Variants in CFAP46 observed in about 807,000 individuals in gnomAD.
The protein encoded by CFAP46 is cilia and flagella associated protein 46, also known as cilia- and flagella-associated protein 46.
CFAP46 carries 245 observed loss-of-function variants against 325.7 expected under a neutral mutation model. The ratio of observed to expected loss-of-function variants is 0.75; its 90% CI spans 0.68 to 0.84. The LOEUF (loss-of-function observed/expected upper bound fraction) is 0.84. CFAP46 is among the 40% of genes least tolerant of loss of function. The probability of loss-of-function intolerance (pLI) is 0.00; values close to 1 mark genes in which losing one functional copy is unlikely to be tolerated. For missense variants in CFAP46, 3,346 were observed against 3,543.0 expected (o/e 0.94, Z 1.41); for synonymous variants, 1,523 against 1,495.9 (o/e 1.02, Z -0.42).
Position 132,860,958 on chromosome 10 carries a change from C to T in CFAP46, c.4915G>A (p.Ala1639Thr), listed in dbSNP as rs1269290869. ...TGTGCGAGGAGGAGCAGGCACTGGG[C>T]CTCTGCACAAGGCTCATCCAGCTCC... ...FQELDEPCAE[A>T]QCLLLLAQLA... Residue 1639 changes from alanine (A) to threonine (T), a missense_variant, in exon 36 of 58, where the codon GCC becomes ACC. Coordinates refer to ENST00000368586, the MANE Select transcript of CFAP46 (RefSeq NM_001200049.3). 5 of 1,550,644 alleles carry T rather than the reference C, an allele frequency of 3.2e-6. No individual in the cohort carries two copies. The Middle Eastern group carries it at 6.7e-4, about 208-fold the overall frequency.
chr10:132,882,271 T>C (rs1849058951), intron 27 of CFAP46, among the ~76,000 whole-genome samples: 1 of 148,508 alleles, frequency 6.7e-6, no homozygotes, highest in African/African-American at 2.5e-5. Flanking sequence ...TGTGGGGGTA[T>C]TGGGTGTGAA....
intron 50 of CFAP46, among the ~76,000 whole-genome samples, chr10:132,824,463 ATGT>A (rs1847988344): frequency 2.9e-5 from 2 of 68,928 alleles, no homozygotes; most frequent in African/African-American, 6.0e-5. Context: ...CTGTGTGCTG[ATGT>A]GTGCTGTGTG....
chr10:132,852,102 G>T, intron 39 of CFAP46, among the ~76,000 whole-genome samples: 1 of 82,472 alleles, frequency 1.2e-5, no homozygotes, highest in African/African-American at 4.4e-5. Flanking sequence ...CCACAGACGT[G>T]GTATGTTCCT....
intron 11 of CFAP46, among the ~76,000 whole-genome samples, chr10:132,922,941 G>A (rs990154860): frequency 6.6e-6 from 1 of 152,240 alleles, no homozygotes; most frequent in Non-Finnish European, 1.5e-5. Flanking sequence ...GGCAGCTCAC[G>A]ACGGCAGCCC....
In CFAP46 at chr10:132,835,441, G is replaced by A. The variant is rs1018723543; in HGVS notation, c.6614-7C>T. 5 of 1,613,328 alleles carry A rather than the reference G, an allele frequency of 3.1e-6. No individual in the cohort carries two copies. The highest frequency in any genetic ancestry group is 1.7e-6 in the Non-Finnish European group (2 of 1,179,908). ...CGCATCACCTTGCAGGAGCCTGTGG[G>A]GACATGGACACACCCTCTGTCGCTG... On this transcript the variant is annotated splice_region_variant and splice_polypyrimidine_tract_variant and intron_variant, in intron 46 of 57. Coordinates refer to ENST00000368586, the MANE Select transcript of CFAP46 (RefSeq NM_001200049.3).
chr10:132,848,540 C>T (rs1050382619), intron 41 of CFAP46, among the ~76,000 whole-genome samples: 4 of 150,104 alleles, frequency 2.7e-5, no homozygotes, highest in Non-Finnish European at 5.9e-5. Context: ...CCGAGGGAAC[C>T]TGCATGGGTT....
At chr10:132,927,722 C>T (rs1398042658) in intron 9 of CFAP46, among the ~76,000 whole-genome samples, 1 of 152,276 alleles carries the variant, frequency 6.6e-6, no homozygotes, top group Non-Finnish European at 1.5e-5. Flanking sequence ...TCATTTCCAC[C>T]ATTCACTCAG....
intron 50 of CFAP46, among the ~76,000 whole-genome samples, chr10:132,822,420 TGTG>T (rs1191021172): frequency 9.8e-5 from 14 of 142,694 alleles, no homozygotes; most frequent in East Asian, 4.4e-4. Flanking sequence ...ATGCTGTGTG[TGTG>T]GTGATGTGTG....
At chr10:132,868,435 A>G (rs1249889117) in intron 33 of CFAP46, among the ~76,000 whole-genome samples, 1 of 152,232 alleles carries the variant, frequency 6.6e-6, no homozygotes, top group Admixed American at 6.5e-5. Context: ...ACACGGTTCC[A>G]ATGTTCAGCC....
chr10:132,829,704 C>T (rs552343223), intron 50 of CFAP46, among the ~76,000 whole-genome samples: 20 of 152,342 alleles, frequency 1.3e-4, no homozygotes, highest in Admixed American at 2.6e-4. Flanking sequence ...CCTTCCCCTC[C>T]TCATTTTCTG....
rs577781486 is a variant in CFAP46 at position 132,922,774 on chromosome 10, C to T, written c.1257-66G>A. The stretch of plus-strand genomic sequence containing the variant: ...CGCCTCTGTCAGGCTGGGGTCACAC[C>T]CTCCAGAGGAAGGCCTGCAGTGGCC... On this transcript the variant is annotated intron_variant, in intron 11 of 57. Coordinates refer to ENST00000368586, the MANE Select transcript of CFAP46 (RefSeq NM_001200049.3). The T allele has an allele frequency of 3.3e-4, 439 of 1,322,672 alleles. 1 individual carries two copies. Among genetic ancestry groups the T allele is most frequent in the Non-Finnish European group, 4.1e-4 (390 of 955,306 alleles). The allele number at this position is 1,322,672 out of a possible 1,614,324, so 81.9% of individuals were successfully genotyped here.
At chr10:132,820,650 A>T (rs868115211) in intron 50 of CFAP46, among the ~76,000 whole-genome samples, 57 of 76,502 alleles carry the variant, frequency 7.5e-4, no homozygotes, top group South Asian at 1.4e-3. Context: ...GTGTGCTGTG[A>T]GTGCTGATGT....
rs1172444441 is a variant in CFAP46 at position 132,892,351 on chromosome 10, C to T, written c.3286G>A (p.Glu1096Lys). Residue 1096 changes from glutamate (E) to lysine (K), a missense_variant, in exon 25 of 58, where the codon GAA becomes AAA. Coordinates refer to ENST00000368586, the MANE Select transcript of CFAP46 (RefSeq NM_001200049.3). ...TACAAACCTGGAAGAAAATATCCTT[C>T]GGTCGTCCCGCCACCCTGGAAGTCG... ...TADFQGGGTT[E>K]GYFLPGAEDD... 45 of 1,550,728 alleles carry T rather than the reference C, an allele frequency of 2.9e-5. No homozygotes were observed. In the Admixed American group the frequency reaches 3.9e-4, roughly 14 times the overall value.
At chr10:132,824,965 AGTGCTGATGT>A (rs796773225) in intron 50 of CFAP46, among the ~76,000 whole-genome samples, 4,946 of 93,572 alleles carry the variant, frequency 0.053, 69 homozygotes, top group Middle Eastern at 0.16. Flanking sequence ...GTGCTGTGTG[AGTGCTGATGT>A]GTGCTGATGT....
rs1402083672 is a variant in CFAP46, at chr10:132,879,546, C to G, written c.3885G>C (p.Val1295=). The G allele has an allele frequency of 6.5e-7, 1 of 1,547,458 alleles. No homozygotes were observed. Among genetic ancestry groups the G allele is most frequent in the African/African-American group, 1.4e-5 (1 of 73,078 alleles). ...EAVSLEQLRS[V]RQLEALARVH... ...CGCGGGCCAGCGCCTCCAGCTGCCG[C>G]ACGCTACGCAGCTGCTCCAAGGACA... The change falls in exon 29 of 58, where the codon GTG becomes GTC. Residue 1295 remains valine, a synonymous_variant. Transcript: ENST00000368586.
intron 50 of CFAP46, among the ~76,000 whole-genome samples, chr10:132,824,504 GA>G: frequency 1.1e-5 from 1 of 94,026 alleles, no homozygotes; most frequent in African/African-American, 4.2e-5. Flanking sequence ...GCTGTGTGCT[GA>G]TGTGTGCTGA....
chr10:132,887,093 C>G (rs57651104), intron 25 of CFAP46, among the ~76,000 whole-genome samples: 11,896 of 128,742 alleles, frequency 0.092, 1,517 homozygotes, highest in African/African-American at 0.41. Flanking sequence ...TTCTCTCTCT[C>G]CTCTCCTCTC....
rs1016649464 is a variant in CFAP46 at position 132,886,058 on chromosome 10, A to G, written c.3305-99T>C. ...TAAGCTGCCCATCACAGTGCCCCTGAGGTGGAACCGCGGCTACAGAGGTGC... is the reference window on the plus strand; with the variant it reads ...TAAGCTGCCCATCACAGTGCCCCTGGGGTGGAACCGCGGCTACAGAGGTGC... On this transcript the variant is annotated intron_variant, in intron 25 of 57. Transcript: ENST00000368586. This position sits in a 1 kb window ranked among gnomAD's most constrained non-coding sequence, Gnocchi z 5.8. 2.1e-6 allele frequency: 3 copies of G among 1,447,356 alleles called. No individual in the cohort carries two copies. In the African/African-American group the frequency reaches 4.2e-5, roughly 20 times the overall value. The allele number at this position is 1,447,356 out of a possible 1,614,324, so 89.7% of individuals were successfully genotyped here.
intron 39 of CFAP46, among the ~76,000 whole-genome samples, chr10:132,851,522 G>A (rs1309628001): frequency 2.0e-5 from 3 of 152,100 alleles, no homozygotes; most frequent in Non-Finnish European, 2.9e-5. Context: ...ATCTCTTCGC[G>A]TCCCCTCATG....
Sources: allele counts gnomAD v4.1 joint callset (sites outside exome capture counted in the v4.1 genomes callset), GRCh38; gene constraint gnomAD v4.1.1; non-coding constraint Gnocchi (gnomAD v3.1); transcripts MANE v1.5; gene names NCBI Gene and HGNC (gene_info 2026-07-23, HGNC 2026-07-21).